CTSK: variants seen among roughly 807,000 people sequenced by gnomAD.
CTSK encodes cathepsin K, also known as cathepsin O.
Under a neutral mutation model 40.5 loss-of-function variants are expected in CTSK, and 26 were observed. The ratio of observed to expected loss-of-function variants is 0.64; its 90% CI spans 0.47 to 0.89. The LOEUF (loss-of-function observed/expected upper bound fraction) is 0.89. Among genes scored for constraint, CTSK ranks in the 40% least tolerant of loss-of-function variants. CTSK has a pLI of 0.00. For synonymous variants in CTSK, 132 were observed against 143.2 expected (o/e 0.92, Z 0.56); for missense variants, 292 against 400.1 (o/e 0.73, Z 2.30).
At chr1:150,800,181 C>T (rs1349776386) in intron 5 of CTSK, among the ~76,000 whole-genome samples, 2 of 85,016 alleles carry the variant, frequency 2.4e-5, no homozygotes, top group East Asian at 4.0e-4. Flanking sequence ...TGGGCGAGAG[C>T]GAGACTCCAT....
Position 150,802,451 on chromosome 1 carries a change from C to CTCTG in CTSK, c.618+1566_618+1569dup, listed in dbSNP as rs1171988732. On this transcript the variant is annotated intron_variant, in intron 5 of 7. Coordinates refer to ENST00000271651, the MANE Select transcript of CTSK (RefSeq NM_000396.4). ...TGTTGTTTTTGGGGACAGGGTCTCA[C>CTCTG]TCTGTCACCCAGGCTAGAGAGCAGT... Among the ~76,000 whole-genome samples, 7 of 152,208 alleles carry CTCTG rather than the reference C, an allele frequency of 4.6e-5. No homozygotes were observed. The East Asian group carries it at 1.4e-3, about 29-fold the overall frequency.
chr1:150,796,694 C>T lies in CTSK; in HGVS notation c.*105G>A. 2.4e-6 allele frequency: 2 copies of T among 835,792 alleles called. No homozygotes were observed. Among genetic ancestry groups the T allele is most frequent in the South Asian group, 2.6e-5 (2 of 75,560 alleles). 51.8% of individuals were successfully genotyped at this position (835,792 alleles called of 1,614,324 possible). On this transcript the variant is annotated 3_prime_UTR_variant, in exon 8 of 8. Coordinates refer to ENST00000271651, the MANE Select transcript of CTSK (RefSeq NM_000396.4). ...ACTGAACAGACAATCTCAGTATCAC[C>T]ACATCTGCTTCAAAAATAGCACACC... is the stretch of plus-strand genomic sequence containing the variant.
intron 4 of CTSK, among the ~76,000 whole-genome samples, chr1:150,805,467 G>A (rs907277219): frequency 4.6e-5 from 7 of 151,170 alleles, no homozygotes; most frequent in Non-Finnish European, 1.0e-4. Context: ...TGGTGAAAAC[G>A]CATCTCTATA....
chr1:150,806,158 C>A lies in CTSK; in HGVS notation c.187G>T (p.Glu63Ter). 1.9e-6 allele frequency: 3 copies of A among 1,614,150 alleles called. No homozygotes were observed. The highest frequency in any genetic ancestry group is 2.5e-6 in the Non-Finnish European group (3 of 1,180,024). The change falls in exon 3 of 8, where the codon GAG (glutamate) becomes TAG (stop). Residue 63 changes from glutamate (E) to a stop codon, truncating the protein, a stop_gained. Coordinates refer to ENST00000271651, the MANE Select transcript of CTSK (RefSeq NM_000396.4). LOFTEE classifies it high-confidence loss of function. Reference sequence around the variant, plus strand: ...TATGTATGGACACCAAGAGAAGCCTCAAGGTTATGGATGGAAATATACTTC... The same window carrying A: ...TATGTATGGACACCAAGAGAAGCCTAAAGGTTATGGATGGAAATATACTTC... ...NLKYISIHNL[E>*]ASLGVHTYEL...
intron 6 of CTSK, 88 bp downstream of exon 6, chr1:150,799,455 CT>C (rs1381116950): frequency 1.3e-6 from 2 of 1,509,982 alleles, no homozygotes; most frequent in Non-Finnish European, 1.8e-6. Context: ...AATACAAAAA[CT>C]AAGTACTGAA....
In CTSK at chr1:150,807,080, T is replaced by TCACACACACA. The variant is rs1171180978; in HGVS notation, c.-1-284_-1-275dup. On this transcript the variant is annotated intron_variant, in intron 1 of 7. Coordinates refer to ENST00000271651, the MANE Select transcript of CTSK (RefSeq NM_000396.4). ...GTTTCTCTCTCTGTCTCTCTCTCTC[T>TCACACACACA]CACACACACACACACACACACACAC... is the stretch of plus-strand genomic sequence containing the variant. Among the ~76,000 whole-genome samples the TCACACACACA allele has an allele frequency of 4.9e-4, 34 of 69,652 alleles. 1 individual carries two copies. Among genetic ancestry groups the TCACACACACA allele is most frequent in the East Asian group, 2.2e-3 (3 of 1,336 alleles). 45.7% of individuals were successfully genotyped at this position (69,652 alleles called of 152,430 possible).
At chr1:150,797,118 G>T (rs1278682579) in intron 7 of CTSK, among the ~76,000 whole-genome samples, 3 of 152,140 alleles carry the variant, frequency 2.0e-5, no homozygotes, top group African/African-American at 7.2e-5. Context: ...GAGGCTTGAT[G>T]TAAGAGGTGG....
intron 4 of CTSK, 66 bp from the exon 5 acceptor site, chr1:150,804,305 G>T: frequency 7.7e-7 from 1 of 1,300,014 alleles, no homozygotes; most frequent in Non-Finnish European, 1.1e-6. Context: ...CTCTCTACCT[G>T]CCTGAAGAAA....
intron 4 of CTSK, among the ~76,000 whole-genome samples, chr1:150,805,229 G>A (rs200183027): frequency 7.5e-6 from 1 of 132,522 alleles, no homozygotes; most frequent in Non-Finnish European, 1.6e-5. Context: ...AAAAAAATTT[G>A]GGGGGGGGGA....
At chr1:150,801,556 T>G (rs1030519469) in intron 5 of CTSK, among the ~76,000 whole-genome samples, 8 of 151,994 alleles carry the variant, frequency 5.3e-5, no homozygotes, top group Non-Finnish European at 8.8e-5. Context: ...TTTTTTTTTT[T>G]GAAACGCAGT....
chr1:150,802,724 A>G (rs1275724036), intron 5 of CTSK, among the ~76,000 whole-genome samples: 1 of 151,860 alleles, frequency 6.6e-6, no homozygotes, highest in Non-Finnish European at 1.5e-5. Context: ...AGCCTCTACA[A>G]AAAAAAATTT....
intron 4 of CTSK, among the ~76,000 whole-genome samples, chr1:150,804,667 G>C (rs587670132): frequency 5.6e-4 from 85 of 152,276 alleles, no homozygotes; most frequent in African/African-American, 2.0e-3. Context: ...ATTATTGTTT[G>C]TGCAGCTAGA....
intron 5 of CTSK, 106 bp from the exon 6 acceptor site, chr1:150,799,815 G>T: frequency 9.3e-7 from 1 of 1,069,732 alleles, no homozygotes; most frequent in Non-Finnish European, 1.4e-6. Context: ...AACTAACAGA[G>T]GCAGCAGTCT....
Position 150,802,156 on chromosome 1 carries a change from T to A in CTSK, c.618+1865A>T, listed in dbSNP as rs188496456. ...AGCCGGGCGTGGTTGCGGGTGCCTA[T>A]AATCCCAGCTACTCAGGAGGCTGAG... On this transcript the variant is annotated intron_variant, in intron 5 of 7. Transcript: ENST00000271651. Among the ~76,000 whole-genome samples the A allele has an allele frequency of 4.7e-3, 702 of 150,952 alleles. 5 individuals carry two copies. The highest frequency in any genetic ancestry group is 6.0e-3 in the Non-Finnish European group (405 of 67,888).
Position 150,804,151 on chromosome 1 carries a change from C to A in CTSK, c.488G>T (p.Ser163Ile). 1.2e-6 allele frequency: 2 copies of A among 1,614,186 alleles called. No homozygotes were observed. Among genetic ancestry groups the A allele is most frequent in the Non-Finnish European group, 1.7e-6 (2 of 1,180,022 alleles). ...KKKTGKLLNL[S>I]PQNLVDCVSE... ...CACACAATCCACTAGGTTCTGGGGACTCAGATTTAAGAGTTTGCCAGTTTT... is the reference window on the plus strand; with the variant it reads ...CACACAATCCACTAGGTTCTGGGGAATCAGATTTAAGAGTTTGCCAGTTTT... The change falls in exon 5 of 8, where the codon AGT becomes ATT. Residue 163 changes from serine to isoleucine, a missense_variant. Transcript: ENST00000271651.
intron 7 of CTSK, among the ~76,000 whole-genome samples, chr1:150,798,760 C>T (rs1653922952): frequency 6.6e-6 from 1 of 152,122 alleles, no homozygotes; most frequent in South Asian, 2.1e-4. Flanking sequence ...TTAGTTCATG[C>T]AAGAGCTGGT....
chr1:150,801,569 T>G (rs954837580), intron 5 of CTSK, among the ~76,000 whole-genome samples: 3 of 151,330 alleles, frequency 2.0e-5, no homozygotes, highest in African/African-American at 7.3e-5. Context: ...AACGCAGTCT[T>G]GCTCAGTTGC....
At chr1:150,803,524 A>T (rs935834733) in intron 5 of CTSK, among the ~76,000 whole-genome samples, 1 of 152,122 alleles carries the variant, frequency 6.6e-6, no homozygotes. Flanking sequence ...TTTCCTTCCT[A>T]TGACTAGAGG....
intron 7 of CTSK, among the ~76,000 whole-genome samples, chr1:150,797,902 A>G (rs1036882562): frequency 2.0e-5 from 3 of 152,178 alleles, no homozygotes; most frequent in African/African-American, 7.2e-5. Flanking sequence ...AGACTTGGGA[A>G]GATGCTCAGG....
Sources: allele counts gnomAD v4.1 joint callset (sites outside exome capture counted in the v4.1 genomes callset), GRCh38; gene constraint gnomAD v4.1.1; transcripts MANE v1.5; gene names NCBI Gene and HGNC (gene_info 2026-07-23, HGNC 2026-07-21).